Variants in FUT9 observed in about 807,000 individuals in gnomAD.
FUT9 encodes fucosyltransferase 9.
FUT9 carries 15 observed loss-of-function variants against 29.7 expected under a neutral mutation model. That is an observed-to-expected ratio of 0.51 (90% CI 0.34 to 0.78). FUT9 has a LOEUF of 0.78. Ranked by LOEUF, FUT9 falls within the 30% of genes least tolerant of loss-of-function variation. The pLI is 0.01. For synonymous variants in FUT9, 169 were observed against 153.7 expected, an observed-to-expected ratio of 1.10 and a Z score of -0.74; for missense variants, 319 against 425.4, an observed-to-expected ratio of 0.75 and a Z score of 2.20.
chr6:96,215,497 C>A lies in FUT9; in HGVS notation c.*11262C>A, dbSNP rs527455792. ...TATTTCCTAAATTCAGTGTAAGTACCTCGCTGATTTAGCACTGGAGTTATT... is the reference window on the plus strand; with the variant it reads ...TATTTCCTAAATTCAGTGTAAGTACATCGCTGATTTAGCACTGGAGTTATT... On this transcript the variant is annotated 3_prime_UTR_variant, in exon 3 of 3. Transcript: ENST00000302103. 6.0e-6 allele frequency: 1 copy of A among 166,756 alleles called. No individual in the cohort carries two copies. Among genetic ancestry groups the A allele is most frequent in the East Asian group, 1.9e-4 (1 of 5,176 alleles). 10.3% of individuals were successfully genotyped at this position (166,756 alleles called of 1,614,324 possible). A position where few individuals can be genotyped will look rare whatever the true frequency, so the allele number is the denominator to read the frequency against.
chr6:96,053,125 T>A (rs1469722390), intron 1 of FUT9, among the ~76,000 whole-genome samples: 1 of 152,104 alleles, frequency 6.6e-6, no homozygotes, highest in Non-Finnish European at 1.5e-5. Context: ...GAGAAAGATG[T>A]CAAAATAATT....
rs962413115 is a variant in FUT9 at position 96,205,940 on chromosome 6, A to C, written c.*1705A>C. 1 of 167,192 alleles carries C rather than the reference A, an allele frequency of 6.0e-6. No homozygotes were observed. The highest frequency in any genetic ancestry group is 6.5e-5 in the Admixed American group (1 of 15,298). 10.4% of individuals were successfully genotyped at this position (167,192 alleles called of 1,614,324 possible). A position where few individuals can be genotyped will look rare whatever the true frequency, so the allele number is the denominator to read the frequency against. On this transcript the variant is annotated 3_prime_UTR_variant, in exon 3 of 3. Coordinates refer to ENST00000302103, the MANE Select transcript of FUT9 (RefSeq NM_006581.4). ...ATGAATAGAGGATTGTTTGATTCTC[A>C]GGTATATTTCTTAAGCCAAGATTGA...
chr6:96,020,469 T>C (rs1021622238), intron 1 of FUT9, among the ~76,000 whole-genome samples: 5 of 152,120 alleles, frequency 3.3e-5, no homozygotes, highest in Non-Finnish European at 7.4e-5. Context: ...TCAGGGAAGG[T>C]AAATTTGTTT....
At chr6:96,177,562 C>A (rs1322142201) in intron 2 of FUT9, among the ~76,000 whole-genome samples, 1 of 152,096 alleles carries the variant, frequency 6.6e-6, no homozygotes, top group Non-Finnish European at 1.5e-5. Flanking sequence ...AACCACAATT[C>A]CTGGAAGACA....
chr6:96,032,856 C>T lies in FUT9; in HGVS notation c.-98+16644C>T, dbSNP rs567286483. 5.9e-5 allele frequency among the ~76,000 whole-genome samples: 9 copies of T among 151,646 alleles called. 1 individual carries two copies. The East Asian group carries it at 1.6e-3, about 26-fold the overall frequency. The stretch of plus-strand genomic sequence containing the variant: ...TAACCAGAGAGATAACAGCATCCTA[C>T]TGAGATAATATGCTTTTATTCCTAA... On this transcript the variant is annotated intron_variant, in intron 1 of 2. Transcript: ENST00000302103.
chr6:96,044,737 ACT>A (rs1335049744), intron 1 of FUT9, among the ~76,000 whole-genome samples: 1 of 152,090 alleles, frequency 6.6e-6, no homozygotes, highest in Non-Finnish European at 1.5e-5. Flanking sequence ...TTTTATAAAT[ACT>A]CTTTTTAATT....
chr6:96,037,121 T>G (rs918221902), intron 1 of FUT9: 5 of 152,004 alleles, frequency 3.3e-5, no homozygotes, highest in African/African-American at 1.2e-4. Context: ...ATGCAAAATT[T>G]TATATGTATG....
intron 1 of FUT9, among the ~76,000 whole-genome samples, chr6:96,052,820 T>A (rs1220078052): frequency 2.0e-5 from 3 of 151,982 alleles, no homozygotes; most frequent in African/African-American, 7.2e-5. Context: ...GAAAAAAAAA[T>A]TTGTCAACTT....
At chr6:96,125,266 T>C (rs924028991) in intron 2 of FUT9, among the ~76,000 whole-genome samples, 2 of 152,218 alleles carry the variant, frequency 1.3e-5, no homozygotes, top group South Asian at 2.1e-4. Flanking sequence ...TTCTTCCAAA[T>C]TGCATAACCA....
intron 1 of FUT9, among the ~76,000 whole-genome samples, chr6:96,088,530 T>TTGTGTGTGTG (rs35995545): frequency 1.3e-4 from 20 of 148,830 alleles, no homozygotes; most frequent in African/African-American, 5.0e-4. Context: ...TTTGTTTGTT[T>TTGTGTGTGTG]TGTGTGTGTG....
chr6:96,125,722 TCA>T (rs1772121746), intron 2 of FUT9, among the ~76,000 whole-genome samples: 1 of 152,164 alleles, frequency 6.6e-6, no homozygotes, highest in Non-Finnish European at 1.5e-5. Context: ...TCAAATGCAT[TCA>T]GTTTCCTTTC....
intron 1 of FUT9, among the ~76,000 whole-genome samples, chr6:96,043,734 T>G (rs537249456): frequency 2.6e-4 from 40 of 152,348 alleles, no homozygotes; most frequent in African/African-American, 9.4e-4. Flanking sequence ...CACAGGGGCT[T>G]TTTGTAATCT....
At chr6:96,053,780 T>C (rs1183168397) in intron 1 of FUT9, among the ~76,000 whole-genome samples, 1 of 152,138 alleles carries the variant, frequency 6.6e-6, no homozygotes, top group Non-Finnish European at 1.5e-5. Flanking sequence ...CAAAATATCA[T>C]GTGTTATATG....
intron 1 of FUT9, among the ~76,000 whole-genome samples, chr6:96,028,943 T>C (rs1317224964): frequency 6.6e-6 from 1 of 151,588 alleles, no homozygotes. Context: ...GAGTTCTTCT[T>C]TTAACCAGGA....
rs139320550 is a variant in FUT9, at chr6:96,062,628, T to C, written c.-98+46416T>C. Among the ~76,000 whole-genome samples, 28 of 152,188 alleles carry C rather than the reference T, an allele frequency of 1.8e-4. No homozygotes were observed. The East Asian group carries it at 3.7e-3, about 20-fold the overall frequency. On this transcript the variant is annotated intron_variant, in intron 1 of 2. Transcript: ENST00000302103. Reference sequence around the variant, plus strand: ...ATAGATAATAGGAAGGGAGGGAGGATAGGATGGAGAGAGGAAAACCTACAT... The same window carrying C: ...ATAGATAATAGGAAGGGAGGGAGGACAGGATGGAGAGAGGAAAACCTACAT...
intron 1 of FUT9, among the ~76,000 whole-genome samples, chr6:96,077,856 T>C (rs189286507): frequency 6.6e-6 from 1 of 152,300 alleles, no homozygotes; most frequent in East Asian, 1.9e-4. Flanking sequence ...TTAAGAATAT[T>C]CCTTTGGTTG....
At chr6:96,047,037 T>C (rs1196838451) in intron 1 of FUT9, among the ~76,000 whole-genome samples, 1 of 152,182 alleles carries the variant, frequency 6.6e-6, no homozygotes, top group Non-Finnish European at 1.5e-5. Flanking sequence ...AAATGGCAAA[T>C]CCAAGCTCTA....
intron 1 of FUT9, among the ~76,000 whole-genome samples, chr6:96,079,745 A>T (rs577920690): frequency 6.6e-6 from 1 of 152,176 alleles, no homozygotes; most frequent in South Asian, 2.1e-4. Context: ...GGAACTGAAA[A>T]CTTTCATATT....
intron 1 of FUT9, among the ~76,000 whole-genome samples, chr6:96,087,491 T>A (rs1771337445): frequency 6.6e-6 from 1 of 151,200 alleles, no homozygotes; most frequent in Non-Finnish European, 1.5e-5. Flanking sequence ...CTCAGCCTCC[T>A]GAGTAGCTAG....
Sources: gnomAD v4.1 joint callset for allele counts (sites outside exome capture counted in the v4.1 genomes callset) on GRCh38, gnomAD v4.1.1 for gene constraint, MANE v1.5 for transcripts, NCBI Gene and HGNC (gene_info 2026-07-23, HGNC 2026-07-21) for gene names.